Variants in KCNQ5 observed in about 807,000 individuals in gnomAD.
KCNQ5 encodes potassium voltage-gated channel subfamily Q member 5, also known as potassium voltage-gated channel subfamily KQT member 5.
Under a neutral mutation model 98.2 loss-of-function variants are expected in KCNQ5, and 30 were observed. The ratio of observed to expected loss-of-function variants is 0.31; its 90% CI spans 0.23 to 0.41. The LOEUF is 0.41. KCNQ5 is among the 10% of genes least tolerant of loss of function. The pLI is 1.00. For synonymous variants in KCNQ5, 458 were observed against 449.4 expected (o/e 1.02, Z -0.24); for missense variants, 835 against 1,182.5 (o/e 0.71, Z 4.31).
In KCNQ5 at chr6:73,194,961, C is replaced by A. The variant is rs781233257; in HGVS notation, c.2346C>A (p.Thr782=). 14 of 1,614,098 alleles carry A rather than the reference C, an allele frequency of 8.7e-6. No individual in the cohort carries two copies. Among genetic ancestry groups the A allele is most frequent in the Non-Finnish European group, 1.1e-5 (13 of 1,180,052 alleles). Residue 782 remains threonine, a synonymous_variant, in exon 14 of 14, where the codon ACC becomes ACA. Coordinates refer to ENST00000370398, the MANE Select transcript of KCNQ5 (RefSeq NM_019842.4). ...AGGAAAGCATTTCTGACGTCACCAC[C>A]TGCCTTGTTGCCTCCAAGGAAAATG... ...GLQESISDVT[T]CLVASKENVQ... is the part of the protein sequence containing the mutation.
At chr6:73,022,440 G>A (rs1038507170) in intron 2 of KCNQ5, among the ~76,000 whole-genome samples, 12 of 152,150 alleles carry the variant, frequency 7.9e-5, no homozygotes, top group African/African-American at 2.7e-4. Flanking sequence ...CCAAGAGCCC[G>A]AGACCAGCCT....
intron 1 of KCNQ5, among the ~76,000 whole-genome samples, chr6:72,633,441 A>T (rs2098922197): frequency 6.6e-6 from 1 of 152,224 alleles, no homozygotes. Context: ...GATTGGAAGA[A>T]TCAATATTGT....
intron 11 of KCNQ5, among the ~76,000 whole-genome samples, chr6:73,173,838 A>G (rs1778106558): frequency 6.6e-6 from 1 of 152,158 alleles, no homozygotes; most frequent in African/African-American, 2.4e-5. Flanking sequence ...TGAAAGTCAT[A>G]TACAACTGCA....
At chr6:73,006,485 C>G (rs189366105) in intron 2 of KCNQ5, among the ~76,000 whole-genome samples, 2 of 152,088 alleles carry the variant, frequency 1.3e-5, no homozygotes, top group African/African-American at 4.8e-5. Flanking sequence ...AAGCCTGTCT[C>G]TACTAAAAAA....
chr6:73,187,592 T>C (rs74503462), intron 11 of KCNQ5, among the ~76,000 whole-genome samples: 4,675 of 152,286 alleles, frequency 0.031, 90 homozygotes, highest in East Asian at 0.068. Context: ...GATAAACCTA[T>C]TAAGAGTTTT....
At chr6:72,751,929 T>C (rs1405632577) in intron 1 of KCNQ5, among the ~76,000 whole-genome samples, 1 of 152,182 alleles carries the variant, frequency 6.6e-6, no homozygotes, top group Non-Finnish European at 1.5e-5. Flanking sequence ...AAGATATTTA[T>C]ATAAATTTCA....
rs747746269 is a variant in KCNQ5, at chr6:73,194,846, C to A, written c.2231C>A (p.Ala744Asp). The A allele has an allele frequency of 6.2e-7, 1 of 1,614,148 alleles. No homozygotes were observed. The highest frequency in any genetic ancestry group is 8.5e-7 in the Non-Finnish European group (1 of 1,180,020). The stretch of plus-strand genomic sequence containing the variant: ...ATAAATACGGCACCCAAGCCAGCAG[C>A]CCCAACAACTTTACAGATCCCACCT... ...NQINTAPKPA[A>D]PTTLQIPPPL... The change falls in exon 14 of 14, where the codon GCC (alanine) becomes GAC (aspartate). Residue 744 changes from alanine to aspartate, a missense_variant. By Grantham distance (126) the Ala-to-Asp change is moderately radical. Coordinates refer to ENST00000370398, the MANE Select transcript of KCNQ5 (RefSeq NM_019842.4).
At chr6:72,811,301 T>C (rs972160594) in intron 1 of KCNQ5, among the ~76,000 whole-genome samples, 1 of 152,206 alleles carries the variant, frequency 6.6e-6, no homozygotes, top group African/African-American at 2.4e-5. Context: ...TCTTTCTACC[T>C]GTTCCCAGAC....
chr6:73,196,165 A>T lies in KCNQ5; in HGVS notation c.*751A>T, dbSNP rs1765786346. On this transcript the variant is annotated 3_prime_UTR_variant, in exon 14 of 14. Coordinates refer to ENST00000370398, the MANE Select transcript of KCNQ5 (RefSeq NM_019842.4). Reference sequence around the variant, plus strand: ...TGCCTGATGGCAGAATCAACTTTATAAGTGGTCAACTTCTACACAAGCGTA... The same window carrying T: ...TGCCTGATGGCAGAATCAACTTTATTAGTGGTCAACTTCTACACAAGCGTA... 1.3e-5 allele frequency: 2 copies of T among 152,426 alleles called. No homozygotes were observed. The allele number at this position is 152,426 out of a possible 1,614,324, so 9.4% of individuals were successfully genotyped here.
At chr6:73,055,894 C>T (rs970622109) in intron 3 of KCNQ5, 1 of 570,440 alleles carries the variant, frequency 1.8e-6, no homozygotes, top group African/African-American at 1.9e-5. Context: ...CCCATTGCAT[C>T]CATCTGTCCC....
intron 1 of KCNQ5, among the ~76,000 whole-genome samples, chr6:72,866,960 T>A (rs1778013065): frequency 6.6e-6 from 1 of 152,198 alleles, no homozygotes; most frequent in South Asian, 2.1e-4. Flanking sequence ...TGTATTTAAT[T>A]TTTTTTTCTG....
intron 1 of KCNQ5, among the ~76,000 whole-genome samples, chr6:72,938,426 C>T (rs1260587937): frequency 2.0e-5 from 3 of 152,200 alleles, no homozygotes; most frequent in Non-Finnish European, 4.4e-5. Context: ...GTCACCCAGA[C>T]TGGAGTGCAG....
intron 1 of KCNQ5, among the ~76,000 whole-genome samples, chr6:72,722,635 A>G (rs115286228): frequency 0.012 from 1,752 of 152,218 alleles, 28 homozygotes; most frequent in African/African-American, 0.039. Context: ...GACTTCACAC[A>G]TGTGGCAATC....
At chr6:72,962,384 C>T (rs1437358850) in intron 1 of KCNQ5, among the ~76,000 whole-genome samples, 1 of 151,432 alleles carries the variant, frequency 6.6e-6, no homozygotes, top group Non-Finnish European at 1.5e-5. Flanking sequence ...AAACTACCCA[C>T]TGAGCACAAC....
intron 1 of KCNQ5, among the ~76,000 whole-genome samples, chr6:72,757,519 T>C (rs1279690859): frequency 6.6e-6 from 1 of 152,182 alleles, no homozygotes; most frequent in Non-Finnish European, 1.5e-5. Context: ...TAACCTACAG[T>C]TGGGCAAAAT....
At chr6:73,035,334 C>G (rs1357300805) in intron 2 of KCNQ5, among the ~76,000 whole-genome samples, 1 of 152,150 alleles carries the variant, frequency 6.6e-6, no homozygotes, top group African/African-American at 2.4e-5. Context: ...CTTCTAGGGG[C>G]TTAAATAAGG....
rs1267756147 is a variant in KCNQ5 at position 72,759,281 on chromosome 6, G to A, written c.398+136694G>A. Among the ~76,000 whole-genome samples, 6 of 152,250 alleles carry A rather than the reference G, an allele frequency of 3.9e-5. No homozygotes were observed. The East Asian group carries it at 1.2e-3, about 29-fold the overall frequency. On this transcript the variant is annotated intron_variant, in intron 1 of 13. Transcript: ENST00000370398. ...CATAAATTTTTGGAGCTGTAAGTCT[G>A]AGGTCAAAAGACATGAATCTTAGGA...
chr6:72,713,109 T>C (rs1322313331), intron 1 of KCNQ5, among the ~76,000 whole-genome samples: 1 of 152,132 alleles, frequency 6.6e-6, no homozygotes, highest in Non-Finnish European at 1.5e-5. Context: ...GCTGGTTGGG[T>C]TTGCAGCTTA....
At chr6:72,869,094 A>AC (rs1778103146) in intron 1 of KCNQ5, among the ~76,000 whole-genome samples, 1 of 152,198 alleles carries the variant, frequency 6.6e-6, no homozygotes, top group Non-Finnish European at 1.5e-5. Flanking sequence ...CATCACCTGT[A>AC]CCCCACAAAT....
Sources: allele counts gnomAD v4.1 joint callset (sites outside exome capture counted in the v4.1 genomes callset), GRCh38; gene constraint gnomAD v4.1.1; transcripts MANE v1.5; gene names NCBI Gene and HGNC (gene_info 2026-07-23, HGNC 2026-07-21).